CDIN1: variants seen among roughly 807,000 people sequenced by gnomAD.
The protein encoded by CDIN1 is CDAN1 interacting nuclease 1.
CDIN1 carries 33 observed loss-of-function variants against 45.3 expected under a neutral mutation model. The observed-to-expected ratio is 0.73, with a 90% CI of 0.55 to 0.97. CDIN1 has a LOEUF of 0.97. CDIN1 is among the 50% of genes least tolerant of loss of function. The probability of loss-of-function intolerance (pLI) is 0.00; values close to 1 mark genes in which losing one functional copy is unlikely to be tolerated. For missense variants in CDIN1, 303 were observed against 339.4 expected (o/e 0.89, Z 0.84); for synonymous variants, 118 against 124.4 (o/e 0.95, Z 0.34).
At chr15:36,654,259 G>A (rs560881320) in intron 4 of CDIN1, 101 bp downstream of exon 4, 12 of 920,430 alleles carry the variant, frequency 1.3e-5, no homozygotes, top group East Asian at 8.1e-5. Flanking sequence ...GAAAAAAAAA[G>A]GATTTGAGGT....
chr15:36,705,975 C>T (rs1292131343), intron 8 of CDIN1: 1 of 151,990 alleles, frequency 6.6e-6, no homozygotes, highest in African/African-American at 2.4e-5. Flanking sequence ...TAATCTTTAT[C>T]ATTTTTTTCT....
chr15:36,732,072 C>T (rs942137046), intron 10 of CDIN1, among the ~76,000 whole-genome samples: 3 of 152,120 alleles, frequency 2.0e-5, no homozygotes, highest in Non-Finnish European at 4.4e-5. Context: ...GGTAGACTTG[C>T]TGAAGGGCTT....
At chr15:36,594,010 C>T (rs1375158574) in intron 1 of CDIN1, among the ~76,000 whole-genome samples, 1 of 152,160 alleles carries the variant, frequency 6.6e-6, no homozygotes. Flanking sequence ...TTACTAATTA[C>T]GATGTATTCT....
chr15:36,713,310 C>A (rs180810743), intron 10 of CDIN1, among the ~76,000 whole-genome samples: 1 of 152,258 alleles, frequency 6.6e-6, no homozygotes, highest in African/African-American at 2.4e-5. Flanking sequence ...AGTTTCAGCC[C>A]CTCCATCTGC....
In CDIN1 at chr15:36,752,071, G is replaced by A. The variant is rs117925045; in HGVS notation, c.716+42110G>A. Among the ~76,000 whole-genome samples the A allele has an allele frequency of 1.9e-3, 289 of 152,228 alleles. 3 individuals are homozygous for A. Among genetic ancestry groups the A allele is most frequent in the Non-Finnish European group, 2.7e-3 (183 of 68,012 alleles). ...GGGCTTAATACTTAGGTGATTGGTC[G>A]ATAGGTGCAGCAAACCACCATGGCA... On this transcript the variant is annotated intron_variant, in intron 10 of 10. Coordinates refer to ENST00000566621, the MANE Select transcript of CDIN1 (RefSeq NM_001321759.2).
chr15:36,605,005 G>A (rs1346547993), intron 1 of CDIN1, among the ~76,000 whole-genome samples: 3 of 152,086 alleles, frequency 2.0e-5, no homozygotes, highest in Admixed American at 1.3e-4. Context: ...AAGGAAAGAC[G>A]GAAGTAAGGA....
intron 1 of CDIN1, among the ~76,000 whole-genome samples, chr15:36,602,378 G>A (rs1339870107): frequency 1.3e-5 from 2 of 152,102 alleles, no homozygotes; most frequent in Non-Finnish European, 2.9e-5. Flanking sequence ...AACACTTTTG[G>A]GACTTCTCTT....
Position 36,718,269 on chromosome 15 carries a change from A to G in CDIN1, c.716+8308A>G, listed in dbSNP as rs1595513928. On this transcript the variant is annotated intron_variant, in intron 10 of 10. Coordinates refer to ENST00000566621, the MANE Select transcript of CDIN1 (RefSeq NM_001321759.2). The stretch of plus-strand genomic sequence containing the variant: ...TCAACACTGTTTTGATTACTGTAAC[A>G]TTATAATTTTGAAAACAGATAGTAG... 2.6e-5 allele frequency among the ~76,000 whole-genome samples: 4 copies of G among 152,246 alleles called. 1 individual carries two copies. Among genetic ancestry groups the G allele is most frequent in the Admixed American group, 2.6e-4 (4 of 15,278 alleles).
At chr15:36,733,104 C>T (rs2043890791) in intron 10 of CDIN1, among the ~76,000 whole-genome samples, 1 of 152,002 alleles carries the variant, frequency 6.6e-6, no homozygotes, top group Non-Finnish European at 1.5e-5. Context: ...TGTATAACTT[C>T]AGCCTTATGT....
At position 36,796,606 on chromosome 15, in the gene CDIN1, G is replaced by C. The variant is rs559737863; in HGVS notation, c.717-11718G>C. Among the ~76,000 whole-genome samples, 208 of 152,318 alleles carry C rather than the reference G, an allele frequency of 1.4e-3. 1 individual carries two copies. The highest frequency in any genetic ancestry group is 7.1e-3 in the East Asian group (37 of 5,180). On this transcript the variant is annotated intron_variant, in intron 10 of 10. Coordinates refer to ENST00000566621, the MANE Select transcript of CDIN1 (RefSeq NM_001321759.2). Reference sequence around the variant, plus strand: ...GCATCCAGTCCCCTACCAGGCATCTGTCTGCTCATGCAGTCAAGCCTCTTC... The same window carrying C: ...GCATCCAGTCCCCTACCAGGCATCTCTCTGCTCATGCAGTCAAGCCTCTTC...
intron 10 of CDIN1, among the ~76,000 whole-genome samples, chr15:36,800,907 G>GTATA (rs1282877205): frequency 0.012 from 373 of 31,516 alleles, 1 homozygote; most frequent in Admixed American, 0.032. Context: ...GTGTGTGTGT[G>GTATA]TGTATATATA....
At chr15:36,598,299 G>C (rs975126904) in intron 1 of CDIN1, among the ~76,000 whole-genome samples, 3 of 152,090 alleles carry the variant, frequency 2.0e-5, no homozygotes, top group African/African-American at 7.2e-5. Context: ...ACCTGACTTA[G>C]TTATTATTAG....
chr15:36,581,368 TATA>T (rs2037036209), intron 1 of CDIN1, among the ~76,000 whole-genome samples: 1 of 152,222 alleles, frequency 6.6e-6, no homozygotes, highest in Non-Finnish European at 1.5e-5. Flanking sequence ...TTGTCTTCTC[TATA>T]ATAAGTAAGT....
At chr15:36,742,217 G>A (rs1423959185) in intron 10 of CDIN1, among the ~76,000 whole-genome samples, 1 of 152,066 alleles carries the variant, frequency 6.6e-6, no homozygotes, top group Admixed American at 6.5e-5. Context: ...CACCGTCAAA[G>A]ACCCAACTAG....
rs200067181 is a variant in CDIN1, at chr15:36,654,207, G to A, written c.273+49G>A. The A allele has an allele frequency of 1.5e-5, 21 of 1,434,440 alleles. No individual in the cohort carries two copies. In the Admixed American group the frequency reaches 2.8e-4, roughly 19 times the overall value. The allele number at this position is 1,434,440 out of a possible 1,614,324, so 88.9% of individuals were successfully genotyped here. A position where few individuals can be genotyped will look rare whatever the true frequency, so the allele number is the denominator to read the frequency against. ...TTTAAACCTGCGTGTAACCTAAGGG[G>A]CCTATCTAGAGTAACTTTGCTTACA... On this transcript the variant is annotated intron_variant, in intron 4 of 10. Coordinates refer to ENST00000566621, the MANE Select transcript of CDIN1 (RefSeq NM_001321759.2).
chr15:36,604,444 C>CACACACACAG (rs1555382561), intron 1 of CDIN1, among the ~76,000 whole-genome samples: 2 of 151,538 alleles, frequency 1.3e-5, no homozygotes, highest in Non-Finnish European at 2.9e-5. Flanking sequence ...CACACACACA[C>CACACACACAG]ACACACACAC....
chr15:36,804,780 C>G (rs1385410929), intron 10 of CDIN1: 1 of 131,504 alleles, frequency 7.6e-6, no homozygotes, highest in East Asian at 2.7e-4. Flanking sequence ...TCAAGAGATT[C>G]TCCCACCACA....
chr15:36,665,944 G>C (rs2041232072), intron 5 of CDIN1, among the ~76,000 whole-genome samples: 1 of 152,008 alleles, frequency 6.6e-6, no homozygotes. Flanking sequence ...TTTGGTGTTT[G>C]TATGGGATAT....
rs764277052 is a variant in CDIN1 at position 36,781,782 on chromosome 15, A to T, written c.717-26542A>T. 4.9e-4 allele frequency among the ~76,000 whole-genome samples: 75 copies of T among 152,210 alleles called. 2 individuals carry two copies. The highest frequency in any genetic ancestry group is 2.0e-4 in the Admixed American group (3 of 15,284). On this transcript the variant is annotated intron_variant, in intron 10 of 10. Transcript: ENST00000566621. ...CAGAGTTATGGATTATCATAAGCTC[A>T]ATGATCTCAGTTACTCCCTCACTTC...
Sources: gnomAD v4.1 joint callset for allele counts (sites outside exome capture counted in the v4.1 genomes callset) on GRCh38, gnomAD v4.1.1 for gene constraint, MANE v1.5 for transcripts, NCBI Gene and HGNC (gene_info 2026-07-23, HGNC 2026-07-21) for gene names.